LRP1B: variants seen among roughly 807,000 people sequenced by gnomAD.
LRP1B encodes LDL receptor related protein 1B, also known as low-density lipoprotein receptor-related protein 1B.
A neutral mutation model predicts 556.6 loss-of-function variants in LRP1B; 217 were observed. That is an observed-to-expected ratio of 0.39 (90% CI 0.35 to 0.44). The LOEUF (loss-of-function observed/expected upper bound fraction) is 0.44, where lower values mean the gene tolerates loss of function less well. LRP1B is among the 20% of genes least tolerant of loss of function. The pLI is 1.00. For synonymous variants in LRP1B, 2,047 were observed against 1,865.8 expected, an observed-to-expected ratio of 1.10 and a Z score of -2.50; for missense variants, 5,053 against 5,620.8, an observed-to-expected ratio of 0.90 and a Z score of 3.23.
chr2:140,430,981 T>C (rs1030224605), intron 66 of LRP1B, among the ~76,000 whole-genome samples: 1 of 152,174 alleles, frequency 6.6e-6, no homozygotes, highest in Non-Finnish European at 1.5e-5. Flanking sequence ...GTAGACACTT[T>C]CACTGGATGG....
chr2:141,977,490 A>T (rs1204454807), intron 1 of LRP1B, among the ~76,000 whole-genome samples: 1 of 152,114 alleles, frequency 6.6e-6, no homozygotes, highest in African/African-American at 2.4e-5. Flanking sequence ...TGAACCCAGG[A>T]GACAGAGGTT....
At chr2:141,437,324 G>A (rs920784489) in intron 3 of LRP1B, among the ~76,000 whole-genome samples, 8 of 152,076 alleles carry the variant, frequency 5.3e-5, no homozygotes, top group South Asian at 2.1e-4. Context: ...TAAAAGTACC[G>A]AAGGAAGGAA....
At chr2:141,267,366 A>G (rs1029328372) in intron 3 of LRP1B, among the ~76,000 whole-genome samples, 1 of 152,156 alleles carries the variant, frequency 6.6e-6, no homozygotes, top group Non-Finnish European at 1.5e-5. Context: ...TTATATGAAT[A>G]TTAAAAAATA....
At position 141,153,610 on chromosome 2, in the gene LRP1B, ATATAT is replaced by A. The variant is rs367628681; in HGVS notation, c.1013+34806_1013+34810del. Among the ~76,000 whole-genome samples the A allele has an allele frequency of 3.2e-3, 444 of 137,102 alleles. 4 individuals carry two copies. Among genetic ancestry groups the A allele is most frequent in the African/African-American group, 0.011 (410 of 37,032 alleles). The allele number at this position is 137,102 out of a possible 152,430, so 89.9% of individuals were successfully genotyped here. A position where few individuals can be genotyped will look rare whatever the true frequency, so the allele number is the denominator to read the frequency against. On this transcript the variant is annotated intron_variant, in intron 7 of 90. Transcript: ENST00000389484. The stretch of plus-strand genomic sequence containing the variant: ...TATTAGCTATATATATTTATATATA[ATATAT>A]TATATATCAGCTATATATATATATT...
rs1400196864 is a variant in LRP1B, at chr2:140,536,698, A to T, written c.7525T>A (p.Ser2509Thr). The change falls in exon 46 of 91, where the codon TCC (serine) becomes ACC (threonine). Residue 2509 changes from serine to threonine, a missense_variant. Coordinates refer to ENST00000389484, the MANE Select transcript of LRP1B (RefSeq NM_018557.3). ...EDNRCVTKNSSCNAYSEFECG... is the reference protein window; with the variant it reads ...EDNRCVTKNSTCNAYSEFECG... ...TCAAACTCCGAATAAGCGTTGCAGG[A>T]GGAATTTTTAGCTGCAAGAAAAAAA... is the stretch of plus-strand genomic sequence containing the variant. 2 of 1,589,748 alleles carry T rather than the reference A, an allele frequency of 1.3e-6. No individual in the cohort carries two copies. The highest frequency in any genetic ancestry group is 1.7e-6 in the Non-Finnish European group (2 of 1,171,848).
At chr2:140,860,893 C>T (rs1481019675) in intron 27 of LRP1B, among the ~76,000 whole-genome samples, 1 of 152,072 alleles carries the variant, frequency 6.6e-6, no homozygotes, top group East Asian at 1.9e-4. Context: ...ATTTCACTTT[C>T]TCCATGGTTA....
intron 79 of LRP1B, among the ~76,000 whole-genome samples, chr2:140,328,308 T>G (rs1222662301): frequency 2.0e-5 from 3 of 151,940 alleles, no homozygotes; most frequent in African/African-American, 7.2e-5. Context: ...TAAGTTTTAG[T>G]GACACAGGAT....
intron 2 of LRP1B, among the ~76,000 whole-genome samples, chr2:141,587,717 T>G (rs979202560): frequency 3.3e-5 from 5 of 152,176 alleles, no homozygotes; most frequent in African/African-American, 1.2e-4. Context: ...ACCTTTGAGA[T>G]TAATGGTACA....
At chr2:140,593,233 A>G (rs537070971) in intron 43 of LRP1B, among the ~76,000 whole-genome samples, 226 of 152,300 alleles carry the variant, frequency 1.5e-3, no homozygotes, top group Non-Finnish European at 2.7e-3. Flanking sequence ...AGTTTTTAAA[A>G]GAATGTCAGT....
intron 41 of LRP1B, among the ~76,000 whole-genome samples, chr2:140,677,141 T>C (rs1004181689): frequency 5.3e-5 from 8 of 152,136 alleles, no homozygotes; most frequent in African/African-American, 9.7e-5. Flanking sequence ...TGTCAGAGGA[T>C]TGCAAGGAGA....
rs554649348 is a variant in LRP1B, at chr2:141,017,215, T to A, written c.1971-1300A>T. Among the ~76,000 whole-genome samples the A allele has an allele frequency of 1.2e-4, 14 of 121,556 alleles. No individual in the cohort carries two copies. The South Asian group carries it at 4.0e-3, about 34-fold the overall frequency. The allele number at this position is 121,556 out of a possible 152,430, so 79.7% of individuals were successfully genotyped here. A position where few individuals can be genotyped will look rare whatever the true frequency, so the allele number is the denominator to read the frequency against. ...AGTCATTCTATTTGCTGTAATTCTA[T>A]GTAGTTAGGTATAACTACTTGACAT... On this transcript the variant is annotated intron_variant, in intron 12 of 90. Transcript: ENST00000389484.
chr2:140,236,702 G>A (rs1680716973), intron 89 of LRP1B, among the ~76,000 whole-genome samples: 1 of 150,838 alleles, frequency 6.6e-6, no homozygotes, highest in South Asian at 2.1e-4. Flanking sequence ...TCTCAAAAGT[G>A]ATTTAATTAC....
intron 15 of LRP1B, among the ~76,000 whole-genome samples, chr2:140,999,677 C>T (rs1474407): frequency 0.32 from 48,795 of 151,878 alleles, 8,282 homozygotes; most frequent in East Asian, 0.57. Flanking sequence ...GCTACTGAAG[C>T]GTGTGCTTAG....
chr2:141,147,922 G>A (rs764372167), intron 7 of LRP1B, among the ~76,000 whole-genome samples: 6 of 152,086 alleles, frequency 3.9e-5, no homozygotes, highest in Non-Finnish European at 5.9e-5. Context: ...ACTGTCTACA[G>A]CATTCAATAC....
chr2:141,975,755 G>C (rs371919438), intron 1 of LRP1B, among the ~76,000 whole-genome samples: 71 of 152,230 alleles, frequency 4.7e-4, no homozygotes, highest in African/African-American at 1.6e-3. Flanking sequence ...AGGGAATGAA[G>C]CCATATGTAT....
Position 141,818,531 on chromosome 2 carries a change from C to CTTTTTTTTTTT in LRP1B, c.83-8141_83-8131dup, listed in dbSNP as rs70994453. 3.2e-4 allele frequency among the ~76,000 whole-genome samples: 26 copies of CTTTTTTTTTTT among 82,076 alleles called. 1 individual carries two copies. The highest frequency in any genetic ancestry group is 3.6e-4 in the Non-Finnish European group (17 of 46,686). 53.8% of individuals were successfully genotyped at this position (82,076 alleles called of 152,430 possible). A position where few individuals can be genotyped will look rare whatever the true frequency, so the allele number is the denominator to read the frequency against. ...TTCCCTAAATATAACATTTCTGTAT[C>CTTTTTTTTTTT]TTTTTTTTTTTTTTTTTTTTTTTGA... On this transcript the variant is annotated intron_variant, in intron 1 of 90. Transcript: ENST00000389484.
At chr2:142,055,780 T>C (rs1282051504) in intron 1 of LRP1B, among the ~76,000 whole-genome samples, 1 of 152,160 alleles carries the variant, frequency 6.6e-6, no homozygotes, top group Non-Finnish European at 1.5e-5. Flanking sequence ...AAATGATGGC[T>C]CCTAATACTG....
At chr2:140,390,538 G>A (rs1242869366) in intron 66 of LRP1B, among the ~76,000 whole-genome samples, 1 of 150,500 alleles carries the variant, frequency 6.6e-6, no homozygotes, top group African/African-American at 2.4e-5. Context: ...TACTTGGACA[G>A]GCATTGAAAA....
At chr2:141,815,176 CAAT>C (rs1696493422) in intron 1 of LRP1B, among the ~76,000 whole-genome samples, 1 of 151,994 alleles carries the variant, frequency 6.6e-6, no homozygotes, top group South Asian at 2.1e-4. Flanking sequence ...AGAACTGAAA[CAAT>C]AGTAGAAACA....
Sources: allele counts gnomAD v4.1 joint callset (sites outside exome capture counted in the v4.1 genomes callset), GRCh38; gene constraint gnomAD v4.1.1; transcripts MANE v1.5; gene names NCBI Gene and HGNC (gene_info 2026-07-23, HGNC 2026-07-21).